OCM: variants seen among roughly 807,000 people sequenced by gnomAD.
OCM encodes the protein oncomodulin.
OCM carries 18 observed loss-of-function variants against 14.1 expected under a neutral mutation model. The observed-to-expected ratio is 1.28, with a 90% CI of 0.88 to 1.89. The LOEUF (loss-of-function observed/expected upper bound fraction) is 1.89, where lower values mean the gene tolerates loss of function less well. Ranked by LOEUF, OCM falls within the 40% of genes most tolerant of loss-of-function variation. The pLI is 0.00. For synonymous variants in OCM, 48 were observed against 51.0 expected (o/e 0.94, Z 0.25); for missense variants, 140 against 137.6 (o/e 1.02, Z -0.09).
chr7:5,867,415 C>T, the OCM span, among the ~76,000 whole-genome samples: 3 of 152,254 alleles, frequency 2.0e-5, no homozygotes, highest in Non-Finnish European at 4.4e-5. Flanking sequence ...TTCTCTTTAT[C>T]ACTGGTTTTA....
At chr7:5,877,000 TTCTC>T (rs1424400513), upstream of OCM, among the ~76,000 whole-genome samples, 1 of 152,046 alleles carries the variant, frequency 6.6e-6, no homozygotes, top group Non-Finnish European at 1.5e-5. Flanking sequence ...AGACGGGGGT[TTCTC>T]CACGTGGGTC....
At chr7:5,874,068 A>AT in the OCM span, among the ~76,000 whole-genome samples, 3 of 149,882 alleles carry the variant, frequency 2.0e-5, no homozygotes, top group Non-Finnish European at 4.4e-5. Flanking sequence ...ATAAAAAAAA[A>AT]AAAAAATTAG....
At chr7:5,884,065 T>C in intron 3 of OCM, 66 bp downstream of exon 3, 3 of 1,591,296 alleles carry the variant, frequency 1.9e-6, no homozygotes, top group Non-Finnish European at 1.7e-6. Flanking sequence ...GGGCTTGGGC[T>C]GTGAGATCAA....
chr7:5,882,085 C>CAAAAAAAAAAA, intron 1 of OCM, among the ~76,000 whole-genome samples: 1 of 45,970 alleles, frequency 2.2e-5, no homozygotes, highest in Non-Finnish European at 3.6e-5. Flanking sequence ...GACTCTGTCT[C>CAAAAAAAAAAA]AAAAAAAAAA....
the OCM span, among the ~76,000 whole-genome samples, chr7:5,864,930 C>T: frequency 1.3e-5 from 2 of 151,740 alleles, no homozygotes; most frequent in African/African-American, 4.8e-5. Context: ...AAGAGTGAAA[C>T]TCCCTCTCAA....
chr7:5,861,815 G>A, the OCM span, among the ~76,000 whole-genome samples: 1 of 152,058 alleles, frequency 6.6e-6, no homozygotes, highest in East Asian at 1.9e-4. Flanking sequence ...CTGGGCTCAA[G>A]TGATCCTACC....
chr7:5,866,148 C>A, the OCM span, among the ~76,000 whole-genome samples: 1 of 151,192 alleles, frequency 6.6e-6, no homozygotes, highest in East Asian at 1.9e-4. Flanking sequence ...TAGCAAAACC[C>A]CAGTCTCTAC....
upstream of OCM, chr7:5,879,844 T>C (rs889624121): frequency 2.6e-5 from 4 of 151,692 alleles, no homozygotes; most frequent in Non-Finnish European, 5.9e-5. Context: ...TAAGAGGTTG[T>C]AACTATCACT....
At position 5,882,377 on chromosome 7, in the gene OCM, C is replaced by T. The variant is rs1781235554; in HGVS notation, c.62-116C>T. ...CAAAATCTTGGACCAGTTGAGCATC[C>T]CCGTAGCTCAGGGATATTGTTGAAG... On this transcript the variant is annotated intron_variant, in intron 1 of 3. Transcript: ENST00000242104. The T allele has an allele frequency of 5.6e-6, 7 of 1,247,832 alleles. No individual in the cohort carries two copies. The Admixed American group carries it at 9.6e-5, about 17-fold the overall frequency. 77.3% of individuals were successfully genotyped at this position (1,247,832 alleles called of 1,614,324 possible).
the OCM span, among the ~76,000 whole-genome samples, chr7:5,869,002 G>A: frequency 6.6e-6 from 1 of 152,136 alleles, no homozygotes; most frequent in Non-Finnish European, 1.5e-5. Flanking sequence ...GGCAGAGGTT[G>A]CAGTGAGCTG....
upstream of OCM, among the ~76,000 whole-genome samples, chr7:5,878,494 C>A (rs901914759): frequency 6.6e-6 from 1 of 151,718 alleles, no homozygotes; most frequent in African/African-American, 2.4e-5. Context: ...CGCCTGTAAT[C>A]CCAGCACTTT....
chr7:5,867,240 C>T, the OCM span, among the ~76,000 whole-genome samples: 2,295 of 152,078 alleles, frequency 0.015, 59 homozygotes, highest in African/African-American at 0.052. Context: ...CCTGTAATCC[C>T]ACCTACTCAG....
chr7:5,866,229 G>T, the OCM span, among the ~76,000 whole-genome samples: 1 of 151,444 alleles, frequency 6.6e-6, no homozygotes, highest in Non-Finnish European at 1.5e-5. Context: ...AGAGGTTGAG[G>T]TGAGAAGGAG....
At chr7:5,868,529 G>C in the OCM span, among the ~76,000 whole-genome samples, 2 of 152,252 alleles carry the variant, frequency 1.3e-5, no homozygotes, top group African/African-American at 4.8e-5. Context: ...AAGGTCTAAA[G>C]GGATTTTGCC....
chr7:5,873,739 AAG>A, the OCM span, among the ~76,000 whole-genome samples: 16 of 152,008 alleles, frequency 1.1e-4, no homozygotes, highest in African/African-American at 3.9e-4. Flanking sequence ...CCATTCCCAA[AAG>A]AGATGCTGGT....
the OCM span, among the ~76,000 whole-genome samples, chr7:5,864,051 AAG>A: frequency 1.3e-5 from 2 of 152,006 alleles, no homozygotes; most frequent in East Asian, 3.9e-4. Context: ...AAGGGGGGCA[AAG>A]AGGGGGCCAG....
At chr7:5,879,485 A>G (rs1781164805), upstream of OCM, among the ~76,000 whole-genome samples, 1 of 152,118 alleles carries the variant, frequency 6.6e-6, no homozygotes, top group South Asian at 2.1e-4. Context: ...TTACACACCC[A>G]TAGTTCCCAA....
the OCM span, among the ~76,000 whole-genome samples, chr7:5,870,172 T>C: frequency 6.6e-6 from 1 of 152,140 alleles, no homozygotes; most frequent in Non-Finnish European, 1.5e-5. Flanking sequence ...AGTGGTATGA[T>C]CATGGCTCAC....
In OCM at chr7:5,882,004, T is replaced by C. The variant is rs571494823; in HGVS notation, c.62-489T>C. Among the ~76,000 whole-genome samples the C allele has an allele frequency of 3.5e-3, 484 of 139,284 alleles. 2 individuals carry two copies. The highest frequency in any genetic ancestry group is 0.013 in the African/African-American group (468 of 36,828). 91.4% of individuals were successfully genotyped at this position (139,284 alleles called of 152,430 possible). ...TGGGAGGCTGAAGCAGGAGAATCAG[T>C]TGAACCCGGGAGGCAGAGGTTGCAG... On this transcript the variant is annotated intron_variant, in intron 1 of 3. Coordinates refer to ENST00000242104, the MANE Select transcript of OCM (RefSeq NM_001097622.2).
Sources: allele counts gnomAD v4.1 joint callset (sites outside exome capture counted in the v4.1 genomes callset), GRCh38; gene constraint gnomAD v4.1.1; transcripts MANE v1.5; gene names NCBI Gene and HGNC (gene_info 2026-07-23, HGNC 2026-07-21).